SLC35E1: variants seen among roughly 807,000 people sequenced by gnomAD.
The protein encoded by SLC35E1 is solute carrier family 35, member E1.
SLC35E1 carries 12 observed loss-of-function variants against 31.0 expected under a neutral mutation model. The ratio of observed to expected loss-of-function variants is 0.39; its 90% CI spans 0.25 to 0.63. SLC35E1 has a LOEUF of 0.63. SLC35E1 is among the 20% of genes least tolerant of loss of function. The pLI is 0.52. For missense variants in SLC35E1, 429 were observed against 572.2 expected (o/e 0.75, Z 2.55); for synonymous variants, 257 against 264.1 (o/e 0.97, Z 0.26).
chr19:16,549,956 A>G lies in SLC35E1; in HGVS notation c.*3723T>C, dbSNP rs1442613246. ...CAGGTGACAATTGAAAAACATTATA[A>G]TATTTTCAGGTCTTTTAATAATTCA... On this transcript the variant is annotated 3_prime_UTR_variant, in exon 6 of 6. Transcript: ENST00000595753. 6.6e-6 allele frequency: 1 copy of G among 152,210 alleles called. No homozygotes were observed. The highest frequency in any genetic ancestry group is 2.4e-5 in the African/African-American group (1 of 41,448). The allele number at this position is 152,210 out of a possible 1,614,324, so 9.4% of individuals were successfully genotyped here. A position where few individuals can be genotyped will look rare whatever the true frequency, so the allele number is the denominator to read the frequency against.
chr19:16,563,926 G>A (rs191992533), intron 4 of SLC35E1, among the ~76,000 whole-genome samples: 5 of 152,246 alleles, frequency 3.3e-5, no homozygotes, highest in Admixed American at 2.0e-4. Context: ...AACGAGGAGC[G>A]GAACCAAGCA....
At chr19:16,564,954 C>T (rs2085924227) in intron 4 of SLC35E1, 1 of 345,306 alleles carries the variant, frequency 2.9e-6, no homozygotes, top group Non-Finnish European at 5.8e-6. Context: ...ATATCCACTA[C>T]TTCAGCAGGT....
At chr19:16,562,382 A>G (rs2085911283) in intron 4 of SLC35E1, among the ~76,000 whole-genome samples, 1 of 152,226 alleles carries the variant, frequency 6.6e-6, no homozygotes, top group African/African-American at 2.4e-5. Flanking sequence ...AAGGTGCAGA[A>G]TAGTTCAGCT....
chr19:16,560,511 T>C (rs1303159890), intron 4 of SLC35E1, among the ~76,000 whole-genome samples: 1 of 151,854 alleles, frequency 6.6e-6, no homozygotes, highest in Non-Finnish European at 1.5e-5. Flanking sequence ...GCCACCAACG[T>C]AGGATTGTCA....
In SLC35E1 at chr19:16,553,336, A is replaced by G. The variant is rs1665848081; in HGVS notation, c.*343T>C. On this transcript the variant is annotated 3_prime_UTR_variant, in exon 6 of 6. Coordinates refer to ENST00000595753, the MANE Select transcript of SLC35E1 (RefSeq NM_024881.5). ...CCTGAATGTTATCTGGAATGCAGAC[A>G]CAAGTGCTCTGAGCTACACTGCTTG... The G allele has an allele frequency of 5.8e-6, 1 of 172,706 alleles. No individual in the cohort carries two copies. Among genetic ancestry groups the G allele is most frequent in the Admixed American group, 6.3e-5 (1 of 15,758 alleles). The allele number at this position is 172,706 out of a possible 1,614,324, so 10.7% of individuals were successfully genotyped here. A position where few individuals can be genotyped will look rare whatever the true frequency, so the allele number is the denominator to read the frequency against.
intron 4 of SLC35E1, among the ~76,000 whole-genome samples, chr19:16,561,339 A>C (rs2085905780): frequency 6.6e-6 from 1 of 151,848 alleles, no homozygotes; most frequent in African/African-American, 2.4e-5. Context: ...CCAAGCAGAG[A>C]ACATCTCTGT....
At chr19:16,563,633 C>T (rs983202920) in intron 4 of SLC35E1, among the ~76,000 whole-genome samples, 5 of 152,168 alleles carry the variant, frequency 3.3e-5, no homozygotes, top group Admixed American at 3.3e-4. Flanking sequence ...AGGCGTACGC[C>T]ACCACACCAG....
Position 16,552,067 on chromosome 19 carries a change from ATC to A in SLC35E1, c.*1610_*1611del, listed in dbSNP as rs2085848388. ...CCCCAAACTGACTCTTGACCAAAGA[ATC>A]TGATTTGGCAAACCAAATCTTAGTG... is the stretch of plus-strand genomic sequence containing the variant. On this transcript the variant is annotated 3_prime_UTR_variant, in exon 6 of 6. Transcript: ENST00000595753. 1 of 152,082 alleles carries A rather than the reference ATC, an allele frequency of 6.6e-6. No homozygotes were observed. The allele number at this position is 152,082 out of a possible 1,614,324, so 9.4% of individuals were successfully genotyped here.
At position 16,571,525 on chromosome 19, in the gene SLC35E1, T is replaced by C; in HGVS notation, c.479A>G (p.Lys160Arg). Reference protein sequence around the residue: ...VLLSRIIMKEKQSTKVYLSLI... With the variant: ...VLLSRIIMKERQSTKVYLSLI... The stretch of plus-strand genomic sequence containing the variant: ...GCCCGGGGTTACCTTGGTGCTCTGC[T>C]TCTCCTTCATAATGATCCGGGACAG... Residue 160 changes from lysine to arginine, a missense_variant, in exon 2 of 6, where the codon AAG becomes AGG. Coordinates refer to ENST00000595753, the MANE Select transcript of SLC35E1 (RefSeq NM_024881.5). 1 of 1,613,846 alleles carries C rather than the reference T, an allele frequency of 6.2e-7. No individual in the cohort carries two copies. Among genetic ancestry groups the C allele is most frequent in the African/African-American group, 1.3e-5 (1 of 75,034 alleles).
At position 16,553,868 on chromosome 19, in the gene SLC35E1, G is replaced by A. The variant is rs117188970; in HGVS notation, c.1044C>T (p.Leu348=). The A allele has an allele frequency of 0.045, 72,935 of 1,613,010 alleles. 1,965 individuals carry two copies. Among genetic ancestry groups the A allele is most frequent in the Non-Finnish European group, 0.052 (61,272 of 1,179,338 alleles). Residue 348 remains leucine, a synonymous_variant, in exon 6 of 6, where the codon CTC becomes CTT. Coordinates refer to ENST00000595753, the MANE Select transcript of SLC35E1 (RefSeq NM_024881.5). Reference sequence around the variant, plus strand: ...TGCTCAGGTCTGCTGTGGTGACGGGGAGGAGGTGCTTCCTGGCTTGCTGGT... The same window carrying A: ...TGCTCAGGTCTGCTGTGGTGACGGGAAGGAGGTGCTTCCTGGCTTGCTGGT... ...DANQQARKHL[L]PVTTADLSSK... is the part of the protein sequence containing the mutation.
intron 4 of SLC35E1, among the ~76,000 whole-genome samples, chr19:16,558,464 G>C (rs1312932181): frequency 1.3e-5 from 2 of 151,904 alleles, no homozygotes; most frequent in Non-Finnish European, 2.9e-5. Context: ...AGCCTGCCAA[G>C]TAGCTGGGAC....
chr19:16,554,116 A>G (rs1164428296), intron 5 of SLC35E1, among the ~76,000 whole-genome samples: 1 of 151,658 alleles, frequency 6.6e-6, no homozygotes, highest in African/African-American at 2.4e-5. Context: ...AATACAAAAA[A>G]TTAACCGGGT....
intron 4 of SLC35E1, among the ~76,000 whole-genome samples, chr19:16,561,550 C>T (rs1362291491): frequency 6.6e-6 from 1 of 152,162 alleles, no homozygotes. Flanking sequence ...TGAAACCAGG[C>T]CACCTGCTCC....
intron 5 of SLC35E1, 99 bp from the exon 6 acceptor site, chr19:16,554,008 T>A: frequency 1.9e-6 from 2 of 1,058,616 alleles, no homozygotes; most frequent in Non-Finnish European, 2.6e-6. Flanking sequence ...CTCACACCTG[T>A]AATCCCAGCA....
intron 2 of SLC35E1, 94 bp from the exon 3 acceptor site, chr19:16,568,263 A>T: frequency 7.0e-7 from 1 of 1,431,782 alleles, no homozygotes; most frequent in Non-Finnish European, 9.3e-7. Flanking sequence ...CTCCTCCCTC[A>T]GCAAAGGGAT....
At chr19:16,567,545 T>C (rs966723620) in intron 3 of SLC35E1, among the ~76,000 whole-genome samples, 5 of 152,182 alleles carry the variant, frequency 3.3e-5, no homozygotes, top group African/African-American at 1.2e-4. Flanking sequence ...ATTGAGCACA[T>C]TAACTTTATA....
intron 4 of SLC35E1, among the ~76,000 whole-genome samples, chr19:16,560,074 C>T (rs1351572481): frequency 6.6e-6 from 1 of 152,128 alleles, no homozygotes; most frequent in African/African-American, 2.4e-5. Context: ...TGTCCTGAGT[C>T]TGTGCCGCCT....
intron 4 of SLC35E1, among the ~76,000 whole-genome samples, chr19:16,559,980 AG>A (rs1404786717): frequency 6.6e-6 from 1 of 152,194 alleles, no homozygotes; most frequent in Non-Finnish European, 1.5e-5. Flanking sequence ...TGCTGGGTTC[AG>A]GCTGCAGGCT....
intron 4 of SLC35E1, among the ~76,000 whole-genome samples, chr19:16,560,284 C>T (rs565873635): frequency 1.3e-5 from 2 of 152,296 alleles, no homozygotes; most frequent in African/African-American, 4.8e-5. Context: ...TAGTCCCTCC[C>T]TTTCATGGCC....
Sources: gnomAD v4.1 joint callset for allele counts (sites outside exome capture counted in the v4.1 genomes callset) on GRCh38, gnomAD v4.1.1 for gene constraint, MANE v1.5 for transcripts, NCBI Gene and HGNC (gene_info 2026-07-23, HGNC 2026-07-21) for gene names.